Variants in OR2L13 observed in about 807,000 individuals in gnomAD.
OR2L13 encodes olfactory receptor family 2 subfamily L member 13, also known as olfactory receptor 2L13.
A neutral mutation model predicts 15.3 loss-of-function variants in OR2L13; 14 were observed. That is an observed-to-expected ratio of 0.91 (90% CI 0.60 to 1.43). The LOEUF (loss-of-function observed/expected upper bound fraction) is 1.43. Ranked by LOEUF, OR2L13 falls within the 40% of genes most tolerant of loss-of-function variation. The pLI is 0.00. For synonymous variants in OR2L13, 152 were observed against 142.9 expected (o/e 1.06, Z -0.45); for missense variants, 367 against 387.9 (o/e 0.95, Z 0.45).
the OR2L13 span, chr1:248,087,564 T>C: frequency 6.6e-6 from 1 of 152,190 alleles, no homozygotes; most frequent in Non-Finnish European, 1.5e-5. Context: ...TGAGTACAAA[T>C]GTTTGCTTAA....
the OR2L13 span, chr1:247,966,088 G>C: frequency 6.2e-7 from 1 of 1,614,150 alleles, no homozygotes. Flanking sequence ...GGCAAAAGCT[G>C]TTTCCACTTG....
the OR2L13 span, among the ~76,000 whole-genome samples, chr1:248,018,120 A>G: frequency 0.028 from 4,214 of 149,810 alleles, 184 homozygotes; most frequent in African/African-American, 0.1. Context: ...ACACCACTGC[A>G]CTCCAGCCTA....
chr1:248,069,027 G>T, the OR2L13 span, among the ~76,000 whole-genome samples: 1 of 152,142 alleles, frequency 6.6e-6, no homozygotes, highest in Non-Finnish European at 1.5e-5. Flanking sequence ...CGGGGAGAAT[G>T]GAACCAAGTT....
chr1:248,022,303 A>T, the OR2L13 span: 12 of 1,614,082 alleles, frequency 7.4e-6, no homozygotes, highest in African/African-American at 1.3e-4. Flanking sequence ...TCAATGGCCT[A>T]TGATCGTTAT....
the OR2L13 span, among the ~76,000 whole-genome samples, chr1:247,979,740 G>C: frequency 0.039 from 5,893 of 152,040 alleles, 355 homozygotes; most frequent in African/African-American, 0.13. Flanking sequence ...TTCTCTGTTG[G>C]TCCCGCTGGG....
At chr1:248,003,272 A>C in the OR2L13 span, 1 of 1,573,858 alleles carries the variant, frequency 6.4e-7, no homozygotes, top group African/African-American at 1.4e-5. Context: ...GATTCTTCTC[A>C]TCTTCTTGGA....
At chr1:247,949,752 G>A in the OR2L13 span, 1 of 1,612,998 alleles carries the variant, frequency 6.2e-7, no homozygotes, top group Non-Finnish European at 8.5e-7. Flanking sequence ...GGTGATGGGG[G>A]CCCTGACACG....
chr1:248,091,745 G>C (rs1176940365), upstream of OR2L13, among the ~76,000 whole-genome samples: 1 of 151,632 alleles, frequency 6.6e-6, no homozygotes, highest in African/African-American at 2.4e-5. Flanking sequence ...TTTTGGCTTA[G>C]GATTGTCTTG....
the OR2L13 span, among the ~76,000 whole-genome samples, chr1:248,019,976 C>A: frequency 6.6e-6 from 1 of 152,060 alleles, no homozygotes; most frequent in African/African-American, 2.4e-5. Flanking sequence ...TTTGTAGAAA[C>A]AGGATTTTTC....
At chr1:247,988,877 G>C in the OR2L13 span, among the ~76,000 whole-genome samples, 1 of 152,056 alleles carries the variant, frequency 6.6e-6, no homozygotes, top group Non-Finnish European at 1.5e-5. Context: ...CTAATGCTTA[G>C]ATTACATTAT....
chr1:248,093,890 T>C (rs1284969104), upstream of OR2L13, among the ~76,000 whole-genome samples: 1 of 152,092 alleles, frequency 6.6e-6, no homozygotes, highest in Non-Finnish European at 1.5e-5. Flanking sequence ...ATAAATATAG[T>C]AGAATGACTG....
the OR2L13 span, among the ~76,000 whole-genome samples, chr1:248,068,905 G>T: frequency 6.6e-6 from 1 of 152,144 alleles, no homozygotes; most frequent in Non-Finnish European, 1.5e-5. Context: ...GAAATGAAGT[G>T]AGAAGGGAAG....
At chr1:248,007,258 C>T in the OR2L13 span, among the ~76,000 whole-genome samples, 1 of 152,138 alleles carries the variant, frequency 6.6e-6, no homozygotes, top group Non-Finnish European at 1.5e-5. Context: ...CCTGTATAGG[C>T]AATGGTGATC....
chr1:247,975,978 CATT>C, the OR2L13 span, among the ~76,000 whole-genome samples: 7,732 of 152,090 alleles, frequency 0.051, 227 homozygotes, highest in East Asian at 0.11. Flanking sequence ...ATTCATTTCT[CATT>C]ATTATTAAGA....
the OR2L13 span, chr1:247,948,766 G>A: frequency 9.9e-7 from 1 of 1,011,858 alleles, no homozygotes; most frequent in Non-Finnish European, 1.5e-6. Context: ...TCCACTGGGG[G>A]GGCTTGGAAT....
the OR2L13 span, among the ~76,000 whole-genome samples, chr1:248,051,769 T>TTTTATTTA: frequency 0.038 from 5,728 of 151,456 alleles, 371 homozygotes; most frequent in African/African-American, 0.13. Context: ...TCTGCTTTTA[T>TTTTATTTA]TTTATTTATT....
the OR2L13 span, among the ~76,000 whole-genome samples, chr1:248,009,607 G>T: frequency 6.6e-6 from 1 of 152,126 alleles, no homozygotes; most frequent in Non-Finnish European, 1.5e-5. Flanking sequence ...AAGCAGAGCT[G>T]GAATCATTCC....
At chr1:248,069,378 TTCA>T in the OR2L13 span, among the ~76,000 whole-genome samples, 18 of 152,082 alleles carry the variant, frequency 1.2e-4, no homozygotes, top group Non-Finnish European at 1.8e-4. Context: ...CAAACTAAGC[TTCA>T]TAAGTGAAGG....
the OR2L13 span, among the ~76,000 whole-genome samples, chr1:247,937,672 C>T: frequency 6.6e-6 from 1 of 152,282 alleles, no homozygotes; most frequent in African/African-American, 2.4e-5. Flanking sequence ...AGGGATGGGG[C>T]TGGCTCTGGG....
Sources: allele counts gnomAD v4.1 joint callset (sites outside exome capture counted in the v4.1 genomes callset), GRCh38; gene constraint gnomAD v4.1.1; transcripts MANE v1.5; gene names NCBI Gene and HGNC (gene_info 2026-07-23, HGNC 2026-07-21).